The following RGS3 variants were observed in gnomAD, a reference collection of about 807,000 sequenced individuals.
The protein encoded by RGS3 is regulator of G protein signaling 3, also known as regulator of G-protein signalling 3.
A neutral mutation model predicts 132.6 loss-of-function variants in RGS3; 80 were observed. The observed-to-expected ratio is 0.60, with a 90% CI of 0.50 to 0.73. RGS3 has a LOEUF of 0.73. RGS3 is among the 30% of genes least tolerant of loss of function. The probability of loss-of-function intolerance (pLI) is 0.00; values close to 1 mark genes in which losing one functional copy is unlikely to be tolerated. For synonymous variants in RGS3, 598 were observed against 620.6 expected, an observed-to-expected ratio of 0.96 and a Z score of 0.54; for missense variants, 1,382 against 1,530.8, an observed-to-expected ratio of 0.90 and a Z score of 1.62.
In RGS3 at chr9:113,463,674, GC is replaced by G; in HGVS notation, c.415+1475del. On this transcript the variant is annotated intron_variant, in intron 3 of 24. Transcript: ENST00000350696. The surrounding 1 kb of genome is among the most constrained non-coding windows in gnomAD (Gnocchi z 4.6). ...GCCAATCAGGGCCGGGCGCGCCCTGGCCGTTCCAACGCTTGGGGCAGCCCTA... is the reference window on the plus strand; with the variant it reads ...GCCAATCAGGGCCGGGCGCGCCCTGGCGTTCCAACGCTTGGGGCAGCCCTA... The G allele has an allele frequency of 1.4e-6, 2 of 1,403,156 alleles. No individual in the cohort carries two copies. The highest frequency in any genetic ancestry group is 1.6e-5 in the South Asian group (1 of 63,948). The allele number at this position is 1,403,156 out of a possible 1,614,324, so 86.9% of individuals were successfully genotyped here. A position where few individuals can be genotyped will look rare whatever the true frequency, so the allele number is the denominator to read the frequency against.
intron 21 of RGS3, chr9:113,593,992 T>G (rs771442781): frequency 7.4e-6 from 12 of 1,612,930 alleles, no homozygotes; most frequent in Middle Eastern, 1.6e-4. Context: ...GGCTGTCCCT[T>G]GCAGACACAT....
In RGS3 at chr9:113,525,547, G is replaced by A. The variant is rs567750266; in HGVS notation, c.1870+2506G>A. The stretch of plus-strand genomic sequence containing the variant: ...AGCCTCTGTTGGCAGAATGGTCTCT[G>A]ATTAATATTGCTCATGACTCCTAGG... On this transcript the variant is annotated intron_variant, in intron 17 of 24. Transcript: ENST00000350696. Among the ~76,000 whole-genome samples, 4 of 152,282 alleles carry A rather than the reference G, an allele frequency of 2.6e-5. No homozygotes were observed. The South Asian group carries it at 8.3e-4, about 32-fold the overall frequency.
intron 19 of RGS3, among the ~76,000 whole-genome samples, chr9:113,568,054 T>C (rs955256686): frequency 1.3e-5 from 2 of 152,234 alleles, no homozygotes; most frequent in Non-Finnish European, 1.5e-5. Flanking sequence ...TTAAGAGTAA[T>C]GTAAAACCGC....
At chr9:113,586,802 G>A (rs933294014) in intron 20 of RGS3, among the ~76,000 whole-genome samples, 2 of 152,230 alleles carry the variant, frequency 1.3e-5, no homozygotes, top group African/African-American at 4.8e-5. Context: ...CTGCCCCTCT[G>A]TGAGCCACAG....
At position 113,565,423 on chromosome 9, in the gene RGS3, G is replaced by A. The variant is rs938889597; in HGVS notation, c.2038-18027G>A. On this transcript the variant is annotated intron_variant, in intron 19 of 24. Coordinates refer to ENST00000350696, the Ensembl canonical transcript of RGS3. This position sits in a 1 kb window ranked among gnomAD's most constrained non-coding sequence, Gnocchi z 5.7. ...GGAGGAGGACAAGTAGGAGGAGGAG[G>A]AAGAGGAGGAGGGACGGGTGATGCA... 1.6e-6 allele frequency: 2 copies of A among 1,274,144 alleles called. No individual in the cohort carries two copies. Among genetic ancestry groups the A allele is most frequent in the Admixed American group, 4.6e-5 (2 of 43,432 alleles). 78.9% of individuals were successfully genotyped at this position (1,274,144 alleles called of 1,614,324 possible). A position where few individuals can be genotyped will look rare whatever the true frequency, so the allele number is the denominator to read the frequency against.
At chr9:113,471,676 C>G (rs922942741) in intron 3 of RGS3, among the ~76,000 whole-genome samples, 1 of 151,906 alleles carries the variant, frequency 6.6e-6, no homozygotes, top group African/African-American at 2.4e-5. Flanking sequence ...TCCGTCCCTC[C>G]TTTCTTTCTC....
intron 7 of RGS3, among the ~76,000 whole-genome samples, chr9:113,488,713 A>G (rs547821080): frequency 1.3e-5 from 2 of 152,374 alleles, no homozygotes; most frequent in Admixed American, 1.3e-4. Flanking sequence ...TAAACAAACT[A>G]CAGCCAAACT....
intron 18 of RGS3, among the ~76,000 whole-genome samples, chr9:113,530,045 C>T (rs570115233): frequency 2.0e-4 from 30 of 152,312 alleles, no homozygotes; most frequent in African/African-American, 6.7e-4. Context: ...GGTGTCTGTT[C>T]AAGCAAGGAT....
chr9:113,501,301 C>T, intron 10 of RGS3: 1 of 814,226 alleles, frequency 1.2e-6, no homozygotes. Context: ...CCTCTCCCCG[C>T]CGGGCCCGGG....
At position 113,507,374 on chromosome 9, in the gene RGS3, C is replaced by T; in HGVS notation, c.1173C>T (p.Ala391=). Residue 391 remains alanine (A), a synonymous_variant, in exon 13 of 25, where the codon GCC becomes GCT. Coordinates refer to ENST00000350696, the Ensembl canonical transcript of RGS3. This position sits in a 1 kb window ranked among gnomAD's most constrained non-coding sequence, Gnocchi z 5.0. ...CAGATGGCGGGGTCCTGCGGCGGGC[C>T]TCCTGCAAGTCGACACATGACCTCC... is the stretch of plus-strand genomic sequence containing the variant. 1 of 1,613,826 alleles carries T rather than the reference C, an allele frequency of 6.2e-7. No individual in the cohort carries two copies. Among genetic ancestry groups the T allele is most frequent in the Non-Finnish European group, 8.5e-7 (1 of 1,180,018 alleles).
rs146533219 is a variant in RGS3 at position 113,463,866 on chromosome 9, T to C, written c.415+1665T>C. The C allele has an allele frequency of 3.0e-4, 489 of 1,613,174 alleles. 5 individuals are homozygous for C. The Middle Eastern group carries it at 3.1e-3, about 10-fold the overall frequency. On this transcript the variant is annotated intron_variant, in intron 3 of 24. Transcript: ENST00000350696. The surrounding 1 kb of genome is among the most constrained non-coding windows in gnomAD (Gnocchi z 4.6). ...GCGTGCCCACCCGGACTTGTCCTTCTACCTCACCACCTTTGGTAAGTGCCC... is the reference window on the plus strand; with the variant it reads ...GCGTGCCCACCCGGACTTGTCCTTCCACCTCACCACCTTTGGTAAGTGCCC...
intron 18 of RGS3, among the ~76,000 whole-genome samples, chr9:113,532,226 G>A (rs1326564951): frequency 5.9e-5 from 9 of 152,200 alleles, no homozygotes; most frequent in African/African-American, 2.2e-4. Flanking sequence ...TGGGACTGAC[G>A]AGTTGGATCA....
At chr9:113,483,256 A>G in intron 5 of RGS3, 139 bp downstream of exon 3, 2 of 666,992 alleles carry the variant, frequency 3.0e-6, no homozygotes, top group Non-Finnish European at 5.4e-6. Context: ...CTCAATAGGC[A>G]TTTATTGGGC....
intron 3 of RGS3, among the ~76,000 whole-genome samples, chr9:113,468,328 T>C (rs1402359868): frequency 6.6e-6 from 1 of 152,232 alleles, no homozygotes. Flanking sequence ...TATTGGATGA[T>C]CTTGGTACCT....
chr9:113,552,331 T>A lies in RGS3; in HGVS notation c.2037+15413T>A, dbSNP rs549399306. Among the ~76,000 whole-genome samples, 22 of 152,354 alleles carry A rather than the reference T, an allele frequency of 1.4e-4. No individual in the cohort carries two copies. In the South Asian group the frequency reaches 1.9e-3, roughly 13 times the overall value. On this transcript the variant is annotated intron_variant, in intron 19 of 24. Transcript: ENST00000350696. Reference sequence around the variant, plus strand: ...CATACATTTATTTATTTATTTATTTTTTTGAGACGGAGTCTCACTCTGTCG... The same window carrying A: ...CATACATTTATTTATTTATTTATTTATTTGAGACGGAGTCTCACTCTGTCG...
intron 10 of RGS3, among the ~76,000 whole-genome samples, chr9:113,499,678 G>T (rs1830805800): frequency 6.6e-6 from 1 of 152,218 alleles, no homozygotes; most frequent in Admixed American, 6.5e-5. Context: ...CTCTGGACCT[G>T]TCTAAGGCCC....
chr9:113,500,435 C>A (rs1243310560), intron 10 of RGS3, among the ~76,000 whole-genome samples: 1 of 152,208 alleles, frequency 6.6e-6, no homozygotes, highest in Non-Finnish European at 1.5e-5. Context: ...GCTGGGCTCA[C>A]CATGCGCTGC....
chr9:113,531,888 A>T (rs748271596), intron 18 of RGS3, among the ~76,000 whole-genome samples: 13 of 152,220 alleles, frequency 8.5e-5, no homozygotes, highest in African/African-American at 1.9e-4. Flanking sequence ...ATCAAAGCAA[A>T]TGAACCAACT....
At chr9:113,536,496 G>T (rs927917186) in intron 18 of RGS3, 1 of 1,073,838 alleles carries the variant, frequency 9.3e-7, no homozygotes, top group Non-Finnish European at 1.1e-6. Flanking sequence ...GCCCCTGGGG[G>T]TGACCTCATC....
Sources: gnomAD v4.1 joint callset for allele counts (sites outside exome capture counted in the v4.1 genomes callset) on GRCh38, gnomAD v4.1.1 for gene constraint, Gnocchi (gnomAD v3.1) non-coding constraint, MANE v1.5 for transcripts, NCBI Gene and HGNC (gene_info 2026-07-23, HGNC 2026-07-21) for gene names.